ANKH: variants seen among roughly 807,000 people sequenced by gnomAD.
ANKH encodes mineralization regulator ANKH.
In ANKH, 15 loss-of-function variants were observed where a neutral mutation model predicts 49.0. That is an observed-to-expected ratio of 0.31 (90% confidence interval 0.20 to 0.47). ANKH has a LOEUF of 0.47. Ranked by LOEUF, ANKH falls within the 20% of genes least tolerant of loss-of-function variation. The probability of loss-of-function intolerance (pLI) is 1.00; values close to 1 mark genes in which losing one functional copy is unlikely to be tolerated. For missense variants in ANKH, 429 were observed against 652.0 expected (o/e 0.66, Z 3.72); for synonymous variants, 273 against 260.0 (o/e 1.05, Z -0.48).
intron 1 of ANKH, among the ~76,000 whole-genome samples, chr5:14,862,375 T>A (rs1022520939): frequency 6.6e-6 from 1 of 152,224 alleles, no homozygotes; most frequent in Non-Finnish European, 1.5e-5. Flanking sequence ...TCATTTGTTC[T>A]CATAGCATCA....
Position 14,712,965 on chromosome 5 carries a change from C to G in ANKH, c.1274G>C (p.Gly425Ala). Residue 425 changes from glycine to alanine, a missense_variant, in exon 11 of 12, where the codon GGT becomes GCT. By Grantham distance (60) the Gly-to-Ala change is moderately conservative. Coordinates refer to ENST00000284268, the MANE Select transcript of ANKH (RefSeq NM_054027.6). ...GAGGGAGCCCACGCCCAGGGTCGCA[C>G]CGTGCACCCTGCAGATGAGAACACA... is the stretch of plus-strand genomic sequence containing the variant. ...LVVLPYLGVH[G>A]ATLGVGSLLA... 1 of 1,613,028 alleles carries G rather than the reference C, an allele frequency of 6.2e-7. No homozygotes were observed. Among genetic ancestry groups the G allele is most frequent in the Non-Finnish European group, 8.5e-7 (1 of 1,179,736 alleles).
chr5:14,764,103 A>AATAAAT (rs1739183584), intron 2 of ANKH, among the ~76,000 whole-genome samples: 4 of 151,158 alleles, frequency 2.6e-5, no homozygotes, highest in Non-Finnish European at 5.9e-5. Context: ...TAAAAATAAA[A>AATAAAT]AAAGTGACTG....
At chr5:14,768,909 T>C (rs1739333577) in intron 2 of ANKH, 66 bp downstream of exon 2, 1 of 1,511,660 alleles carries the variant, frequency 6.6e-7, no homozygotes, top group Admixed American at 1.7e-5. Context: ...TAAATACATT[T>C]AAATCAATGA....
chr5:14,725,430 T>C lies in ANKH; in HGVS notation c.1012-8595A>G, dbSNP rs931728415. ...ACAACGCCAGCTGAACTGGACATCA[T>C]ACCTGGTGACCAAGTTGATTCACAT... is the stretch of plus-strand genomic sequence containing the variant. On this transcript the variant is annotated intron_variant, in intron 8 of 11. Transcript: ENST00000284268. This position sits in a 1 kb window ranked among gnomAD's most constrained non-coding sequence, Gnocchi z 4.0. 6.6e-6 allele frequency among the ~76,000 whole-genome samples: 1 copy of C among 152,236 alleles called. No homozygotes were observed. The highest frequency in any genetic ancestry group is 6.5e-5 in the Admixed American group (1 of 15,284).
intron 1 of ANKH, among the ~76,000 whole-genome samples, chr5:14,807,424 A>G (rs963887435): frequency 6.6e-6 from 1 of 152,140 alleles, no homozygotes; most frequent in East Asian, 1.9e-4. Flanking sequence ...CTGCCATGAT[A>G]TTCCTTACAG....
intron 1 of ANKH, among the ~76,000 whole-genome samples, chr5:14,832,542 C>G (rs1741534957): frequency 6.6e-6 from 1 of 152,080 alleles, no homozygotes; most frequent in Admixed American, 6.6e-5. Flanking sequence ...AGTTATAGAA[C>G]CATTCAAGTC....
intron 8 of ANKH, among the ~76,000 whole-genome samples, chr5:14,719,086 G>T (rs972564577): frequency 1.3e-5 from 2 of 152,218 alleles, no homozygotes; most frequent in African/African-American, 4.8e-5. Context: ...CCATCCGGGG[G>T]AGGTGGTGCA....
intron 1 of ANKH, among the ~76,000 whole-genome samples, chr5:14,806,245 G>C (rs551287700): frequency 4.0e-5 from 6 of 151,862 alleles, no homozygotes; most frequent in African/African-American, 1.5e-4. Context: ...AGCAGCTCTT[G>C]CCCCTCACGA....
intron 8 of ANKH, among the ~76,000 whole-genome samples, chr5:14,717,246 G>T (rs1250977466): frequency 6.6e-6 from 1 of 152,202 alleles, no homozygotes; most frequent in Non-Finnish European, 1.5e-5. Context: ...AGACCTGAAA[G>T]TACTTGGATG....
rs1736986402 is a variant in ANKH, at chr5:14,707,518, A to G, written c.*3679T>C. 1 of 152,196 alleles carries G rather than the reference A, an allele frequency of 6.6e-6. No individual in the cohort carries two copies. Among genetic ancestry groups the G allele is most frequent in the Non-Finnish European group, 1.5e-5 (1 of 68,030 alleles). The allele number at this position is 152,196 out of a possible 1,614,324, so 9.4% of individuals were successfully genotyped here. A position where few individuals can be genotyped will look rare whatever the true frequency, so the allele number is the denominator to read the frequency against. On this transcript the variant is annotated 3_prime_UTR_variant, in exon 12 of 12. Coordinates refer to ENST00000284268, the MANE Select transcript of ANKH (RefSeq NM_054027.6). ...ATATGTAATGATTATTCCAACCAGG[A>G]GAGAGATCCAGAGGGCTGGGAGTGA...
rs1276383819 is a variant in ANKH, at chr5:14,709,897, ATATATT to A, written c.*1294_*1299del. On this transcript the variant is annotated 3_prime_UTR_variant, in exon 12 of 12. Coordinates refer to ENST00000284268, the MANE Select transcript of ANKH (RefSeq NM_054027.6). ...AAATAAATTACATAACATATACAGCATATATTTATATCTTTAAAATATTTTTTTTTT... is the reference window on the plus strand; with the variant it reads ...AAATAAATTACATAACATATACAGCATATATCTTTAAAATATTTTTTTTTT... 2.6e-5 allele frequency: 4 copies of A among 152,632 alleles called. No individual in the cohort carries two copies. Among genetic ancestry groups the A allele is most frequent in the Admixed American group, 6.5e-5 (1 of 15,286 alleles). The allele number at this position is 152,632 out of a possible 1,614,324, so 9.5% of individuals were successfully genotyped here.
At chr5:14,781,163 T>C (rs1024013474) in intron 1 of ANKH, among the ~76,000 whole-genome samples, 5 of 152,218 alleles carry the variant, frequency 3.3e-5, no homozygotes, top group African/African-American at 4.8e-5. Flanking sequence ...GTCTTCCCGG[T>C]AGTTTTCCAG....
chr5:14,757,357 A>T (rs1738921025), intron 3 of ANKH, among the ~76,000 whole-genome samples: 1 of 151,006 alleles, frequency 6.6e-6, no homozygotes, highest in Admixed American at 6.6e-5. Flanking sequence ...TCCAAGAATA[A>T]TTCGAAATGG....
chr5:14,721,750 GA>G (rs1737670365), intron 8 of ANKH, among the ~76,000 whole-genome samples: 1 of 151,958 alleles, frequency 6.6e-6, no homozygotes, highest in Admixed American at 6.6e-5. Context: ...CTAACACGGT[GA>G]AACCCCATCT....
intron 1 of ANKH, chr5:14,869,207 C>T (rs1431700022): frequency 2.0e-5 from 3 of 152,234 alleles, no homozygotes; most frequent in African/African-American, 4.8e-5. Flanking sequence ...ATCACCCACA[C>T]ATACCAGGTC....
chr5:14,864,450 G>T (rs1735586582), intron 1 of ANKH, among the ~76,000 whole-genome samples: 1 of 152,148 alleles, frequency 6.6e-6, no homozygotes, highest in Admixed American at 6.5e-5. Flanking sequence ...CCTAAGAGAG[G>T]TATTTTAAAT....
intron 8 of ANKH, among the ~76,000 whole-genome samples, chr5:14,734,424 G>T (rs958304472): frequency 2.6e-5 from 4 of 152,156 alleles, no homozygotes; most frequent in Non-Finnish European, 5.9e-5. Flanking sequence ...CTGTAAGGGC[G>T]CATCCTTCTA....
intron 1 of ANKH, among the ~76,000 whole-genome samples, chr5:14,771,921 G>GAAAAAAAAAAAAAAAAAAAAAAAAAA (rs869185652): frequency 2.1e-4 from 11 of 53,370 alleles, no homozygotes; most frequent in Non-Finnish European, 2.7e-4. Context: ...CTCAAAAAAA[G>GAAAAAAAAAAAAAAAAAAAAAAAAAA]AAAAAAAAAA....
At chr5:14,736,501 G>A (rs768217109) in intron 8 of ANKH, among the ~76,000 whole-genome samples, 1 of 152,068 alleles carries the variant, frequency 6.6e-6, no homozygotes, top group Non-Finnish European at 1.5e-5. Context: ...GGATTGGCAG[G>A]GTCCCAAGGG....
Sources: allele counts gnomAD v4.1 joint callset (sites outside exome capture counted in the v4.1 genomes callset), GRCh38; gene constraint gnomAD v4.1.1; non-coding constraint Gnocchi (gnomAD v3.1); transcripts MANE v1.5; gene names NCBI Gene and HGNC (gene_info 2026-07-23, HGNC 2026-07-21).